CUX2: variants seen among roughly 807,000 people sequenced by gnomAD.
The protein encoded by CUX2 is cut like homeobox 2, also known as homeobox protein cut-like 2.
CUX2 carries 40 observed loss-of-function variants against 144.8 expected under a neutral mutation model. That is an observed-to-expected ratio of 0.28 (90% CI 0.21 to 0.36). The LOEUF is 0.36. CUX2 is among the 10% of genes least tolerant of loss of function. CUX2 has a pLI of 1.00. For missense variants in CUX2, 1,615 were observed against 1,994.0 expected (o/e 0.81, Z 3.62); for synonymous variants, 827 against 875.6 (o/e 0.94, Z 0.98).
At chr12:111,278,164 C>A (rs1188492594) in intron 4 of CUX2, among the ~76,000 whole-genome samples, 1 of 152,198 alleles carries the variant, frequency 6.6e-6, no homozygotes, top group Non-Finnish European at 1.5e-5. Flanking sequence ...CACCTGTAAT[C>A]CCAGAACTTT....
At chr12:111,226,805 C>T (rs1378758804) in intron 3 of CUX2, among the ~76,000 whole-genome samples, 2 of 152,220 alleles carry the variant, frequency 1.3e-5, no homozygotes, top group Non-Finnish European at 2.9e-5. Flanking sequence ...TCGCTCCAGC[C>T]GCGTGGCAGT....
At chr12:111,069,747 T>G (rs1436758202) in intron 1 of CUX2, among the ~76,000 whole-genome samples, 2 of 152,102 alleles carry the variant, frequency 1.3e-5, no homozygotes, top group African/African-American at 4.8e-5. Context: ...TCAGATTGAA[T>G]TAGGGCCCAC....
chr12:111,127,914 AG>A (rs1254526093), intron 1 of CUX2, among the ~76,000 whole-genome samples: 1 of 152,196 alleles, frequency 6.6e-6, no homozygotes, highest in Non-Finnish European at 1.5e-5. Flanking sequence ...TCACTATCAC[AG>A]TATGGGGGAA....
chr12:111,133,662 G>C (rs887219194), intron 1 of CUX2, among the ~76,000 whole-genome samples: 52 of 152,218 alleles, frequency 3.4e-4, no homozygotes, highest in African/African-American at 1.2e-3. Context: ...CCCCTTTAGG[G>C]GCCTGCTGGG....
chr12:111,045,516 A>G (rs865821409), intron 1 of CUX2, among the ~76,000 whole-genome samples: 2 of 152,236 alleles, frequency 1.3e-5, no homozygotes, highest in African/African-American at 4.8e-5. Context: ...TGACAGCTCC[A>G]TATAGACACT....
chr12:111,292,163 A>G (rs1592926264), intron 5 of CUX2, among the ~76,000 whole-genome samples: 1 of 152,238 alleles, frequency 6.6e-6, no homozygotes, highest in East Asian at 1.9e-4. Flanking sequence ...CGTTACTCAT[A>G]ACAGCAAAAG....
At chr12:111,137,697 T>G (rs1166566520) in intron 1 of CUX2, among the ~76,000 whole-genome samples, 1 of 152,050 alleles carries the variant, frequency 6.6e-6, no homozygotes, top group Admixed American at 6.6e-5. Context: ...AATTTTTTCA[T>G]AGAGATTGGG....
intron 1 of CUX2, among the ~76,000 whole-genome samples, chr12:111,124,354 A>G (rs1874901472): frequency 6.6e-6 from 1 of 152,200 alleles, no homozygotes; most frequent in Non-Finnish European, 1.5e-5. Flanking sequence ...TAGAAACAGG[A>G]TTGAACAAAA....
At chr12:111,145,695 CT>C (rs1321906459) in intron 1 of CUX2, among the ~76,000 whole-genome samples, 1 of 151,800 alleles carries the variant, frequency 6.6e-6, no homozygotes. Context: ...GAGACTCCAT[CT>C]TGCTCTGTCA....
chr12:111,223,123 G>C lies in CUX2; in HGVS notation c.222+5186G>C, dbSNP rs1881940664. 4.6e-5 allele frequency among the ~76,000 whole-genome samples: 7 copies of C among 152,270 alleles called. No homozygotes were observed. In the South Asian group the frequency reaches 1.4e-3, roughly 32 times the overall value. On this transcript the variant is annotated intron_variant, in intron 3 of 21. Transcript: ENST00000261726. ...GTGCAGGTCCGCTCAACAGATCCTT[G>C]TGGAGAACCTTCTATGTCCCAGGCT...
intron 1 of CUX2, among the ~76,000 whole-genome samples, chr12:111,065,259 A>T (rs549155631): frequency 6.6e-6 from 1 of 152,388 alleles, no homozygotes. Context: ...ACAAGAAATA[A>T]ACTAATGAGT....
At chr12:111,069,613 GT>G (rs760535163) in intron 1 of CUX2, among the ~76,000 whole-genome samples, 3 of 151,060 alleles carry the variant, frequency 2.0e-5, no homozygotes, top group Admixed American at 6.6e-5. Flanking sequence ...TGAGATCAAG[GT>G]TTCAGCAGGT....
chr12:111,073,414 T>G (rs1871344114), intron 1 of CUX2, among the ~76,000 whole-genome samples: 1 of 152,098 alleles, frequency 6.6e-6, no homozygotes. Context: ...TAAGGTACAT[T>G]TGAGTGGCTT....
chr12:111,248,579 G>T (rs532030424), intron 3 of CUX2, among the ~76,000 whole-genome samples: 2 of 152,276 alleles, frequency 1.3e-5, no homozygotes, highest in Non-Finnish European at 2.9e-5. Context: ...CCTTCAGGGT[G>T]GGGGAGGGGC....
At chr12:111,060,517 G>A (rs1870719890) in intron 1 of CUX2, among the ~76,000 whole-genome samples, 1 of 152,202 alleles carries the variant, frequency 6.6e-6, no homozygotes, top group South Asian at 2.1e-4. Flanking sequence ...ACCCATGAGG[G>A]CAGCATTTGT....
chr12:111,081,600 G>C (rs1055043595), intron 1 of CUX2, among the ~76,000 whole-genome samples: 10 of 152,250 alleles, frequency 6.6e-5, no homozygotes, highest in South Asian at 6.2e-4. Flanking sequence ...ATAGGAAGGA[G>C]ATTCTGATTC....
At chr12:111,283,670 C>A (rs970156716) in intron 4 of CUX2, among the ~76,000 whole-genome samples, 1 of 152,182 alleles carries the variant, frequency 6.6e-6, no homozygotes, top group African/African-American at 2.4e-5. Context: ...CTCCAGCCTC[C>A]CAGCCTGGCT....
intron 4 of CUX2, among the ~76,000 whole-genome samples, chr12:111,268,698 G>A (rs1884502199): frequency 1.3e-5 from 2 of 152,254 alleles, no homozygotes; most frequent in African/African-American, 2.4e-5. Context: ...CGGCCATAAC[G>A]TACTCATGGC....
At chr12:111,187,251 G>A (rs889657585) in intron 1 of CUX2, among the ~76,000 whole-genome samples, 7 of 152,146 alleles carry the variant, frequency 4.6e-5, no homozygotes, top group Non-Finnish European at 7.4e-5. Flanking sequence ...GTTCAGTGAC[G>A]CCGGCATCAG....
Sources: gnomAD v4.1 joint callset for allele counts (sites outside exome capture counted in the v4.1 genomes callset) on GRCh38, gnomAD v4.1.1 for gene constraint, MANE v1.5 for transcripts, NCBI Gene and HGNC (gene_info 2026-07-23, HGNC 2026-07-21) for gene names.